Variants in DNAJC15 observed in about 807,000 individuals in gnomAD.
The protein encoded by DNAJC15 is dnaJ homolog subfamily C member 15.
In DNAJC15, 27 loss-of-function variants were observed where a neutral mutation model predicts 22.4. The ratio of observed to expected loss-of-function variants is 1.20; its 90% CI spans 0.89 to 1.66. The LOEUF (loss-of-function observed/expected upper bound fraction) is 1.66. DNAJC15 is among the 40% of genes most tolerant of loss of function. The pLI, the probability that DNAJC15 is intolerant of heterozygous loss-of-function variation, is 0.00. For synonymous variants in DNAJC15, 79 were observed against 63.2 expected (o/e 1.25, Z -1.19); for missense variants, 208 against 187.1 (o/e 1.11, Z -0.65).
chr13:43,107,301 A>G lies in DNAJC15; in HGVS notation c.*53A>G. 6.9e-7 allele frequency: 1 copy of G among 1,449,994 alleles called. No individual in the cohort carries two copies. Among genetic ancestry groups the G allele is most frequent in the East Asian group, 2.5e-5 (1 of 40,420 alleles). The allele number at this position is 1,449,994 out of a possible 1,614,324, so 89.8% of individuals were successfully genotyped here. ...AAAAGAGGGGACTTCGAAAAAAAAA[A>G]AAGCCCTGCAAAATATTCTAAAACA... On this transcript the variant is annotated 3_prime_UTR_variant, in exon 6 of 6. Transcript: ENST00000379221.
At chr13:43,079,892 T>G (rs1805795210) in intron 4 of DNAJC15, among the ~76,000 whole-genome samples, 2 of 152,178 alleles carry the variant, frequency 1.3e-5, no homozygotes, top group African/African-American at 4.8e-5. Flanking sequence ...AATTCAGTGA[T>G]TAAGAGCACA....
intron 1 of DNAJC15, among the ~76,000 whole-genome samples, chr13:43,043,009 G>C (rs889676900): frequency 1.4e-4 from 21 of 152,226 alleles, no homozygotes; most frequent in African/African-American, 5.1e-4. Flanking sequence ...GGGGCTGCAA[G>C]TGCTCTCCAG....
intron 5 of DNAJC15, among the ~76,000 whole-genome samples, chr13:43,100,382 A>AT (rs1451232076): frequency 5.3e-5 from 8 of 151,184 alleles, no homozygotes; most frequent in African/African-American, 1.7e-4. Flanking sequence ...TAATTTTTTT[A>AT]TTTTTTGTAG....
chr13:43,028,413 T>G (rs1411143032), intron 1 of DNAJC15, among the ~76,000 whole-genome samples: 1 of 152,200 alleles, frequency 6.6e-6, no homozygotes, highest in Non-Finnish European at 1.5e-5. Flanking sequence ...TTCTTAGTCT[T>G]TATTGTTTCT....
chr13:43,085,473 A>G (rs1240822124), intron 4 of DNAJC15, among the ~76,000 whole-genome samples: 1 of 152,160 alleles, frequency 6.6e-6, no homozygotes, highest in Admixed American at 6.5e-5. Context: ...TAAGTTTTCA[A>G]ACTTACAGTA....
chr13:43,099,194 A>G (rs1183690734), intron 5 of DNAJC15, among the ~76,000 whole-genome samples: 1 of 152,108 alleles, frequency 6.6e-6, no homozygotes, highest in Non-Finnish European at 1.5e-5. Flanking sequence ...CAGGTTGTTT[A>G]TTATAAATGT....
chr13:43,114,127 A>T lies in DNAJC15; in HGVS notation c.*6879A>T, dbSNP rs987514884. The stretch of plus-strand genomic sequence containing the variant: ...ATGCTGTTGTGTTTGTTTTGCTTTA[A>T]AATTGTAAAGGATAAACAATAAGAT... On this transcript the variant is annotated 3_prime_UTR_variant, in exon 6 of 6. Transcript: ENST00000379221. 9 of 152,210 alleles carry T rather than the reference A, an allele frequency of 5.9e-5. No individual in the cohort carries two copies. The highest frequency in any genetic ancestry group is 2.2e-4 in the African/African-American group (9 of 41,452). 9.4% of individuals were successfully genotyped at this position (152,210 alleles called of 1,614,324 possible).
intron 1 of DNAJC15, among the ~76,000 whole-genome samples, chr13:43,024,533 CG>C (rs1221895266): frequency 1.3e-4 from 19 of 151,392 alleles, no homozygotes; most frequent in Admixed American, 6.6e-4. Flanking sequence ...TTAGTAGAGA[CG>C]GGGGTTTCAC....
At chr13:43,071,415 C>T (rs771365188) in intron 3 of DNAJC15, among the ~76,000 whole-genome samples, 96 of 152,282 alleles carry the variant, frequency 6.3e-4, no homozygotes, top group Middle Eastern at 6.8e-3. Context: ...TTCTTTTTCA[C>T]AAAGTGCTAC....
intron 1 of DNAJC15, among the ~76,000 whole-genome samples, chr13:43,064,238 A>G (rs575317276): frequency 9.8e-5 from 15 of 152,336 alleles, no homozygotes; most frequent in African/African-American, 3.4e-4. Context: ...TTTGCATATT[A>G]AAGTTAGAAC....
intron 5 of DNAJC15, among the ~76,000 whole-genome samples, chr13:43,089,543 G>A (rs922427254): frequency 8.5e-5 from 13 of 152,208 alleles, no homozygotes; most frequent in African/African-American, 3.1e-4. Context: ...AATGTGCAAA[G>A]CCTCTGAGGG....
chr13:43,058,722 C>G (rs2040542968), intron 1 of DNAJC15, among the ~76,000 whole-genome samples: 1 of 152,186 alleles, frequency 6.6e-6, no homozygotes, highest in Non-Finnish European at 1.5e-5. Flanking sequence ...GTGGTCCTTC[C>G]CTAATTCCAG....
At chr13:43,050,380 ACT>A (rs1351445712) in intron 1 of DNAJC15, among the ~76,000 whole-genome samples, 3 of 152,078 alleles carry the variant, frequency 2.0e-5, no homozygotes, top group Non-Finnish European at 2.9e-5. Context: ...ATCACAGCTC[ACT>A]GTGGCCTCAA....
intron 3 of DNAJC15, among the ~76,000 whole-genome samples, chr13:43,074,516 C>CT (rs2040623464): frequency 6.6e-6 from 1 of 152,112 alleles, no homozygotes; most frequent in Admixed American, 6.6e-5. Context: ...TTTCTTTGAC[C>CT]TACCACAGTG....
At chr13:43,097,798 G>A (rs888422375) in intron 5 of DNAJC15, among the ~76,000 whole-genome samples, 10 of 152,060 alleles carry the variant, frequency 6.6e-5, no homozygotes, top group African/African-American at 1.4e-4. Flanking sequence ...TTAGCCGGGC[G>A]TGGTGGCACA....
At position 43,102,954 on chromosome 13, in the gene DNAJC15, T is replaced by A. The variant is rs139990781; in HGVS notation, c.383-4224T>A. Among the ~76,000 whole-genome samples the A allele has an allele frequency of 5.3e-5, 8 of 152,284 alleles. No individual in the cohort carries two copies. The East Asian group carries it at 1.3e-3, about 26-fold the overall frequency. On this transcript the variant is annotated intron_variant, in intron 5 of 5. Coordinates refer to ENST00000379221, the MANE Select transcript of DNAJC15 (RefSeq NM_013238.3). The stretch of plus-strand genomic sequence containing the variant: ...TATGGGAAGGTTTTTAATTACATAT[T>A]TAGTTTCTTAAATATTCTTTTGATT...
chr13:43,086,101 A>T (rs906962033), intron 5 of DNAJC15, among the ~76,000 whole-genome samples: 1 of 152,210 alleles, frequency 6.6e-6, no homozygotes, highest in Non-Finnish European at 1.5e-5. Context: ...CATTTTTATC[A>T]AGAAAAATCG....
chr13:43,055,241 T>TAAA (rs541648843), intron 1 of DNAJC15, among the ~76,000 whole-genome samples: 1 of 144,682 alleles, frequency 6.9e-6, no homozygotes, highest in African/African-American at 2.5e-5. Flanking sequence ...TGAGAGCTGA[T>TAAA]AAAAAAAAAA....
chr13:43,078,772 T>C, intron 4 of DNAJC15, 84 bp downstream of exon 4: 1 of 1,222,244 alleles, frequency 8.2e-7, no homozygotes, highest in Non-Finnish European at 1.1e-6. Context: ...AGGTTATACT[T>C]AGACTTAAAA....
Sources: allele counts gnomAD v4.1 joint callset (sites outside exome capture counted in the v4.1 genomes callset), GRCh38; gene constraint gnomAD v4.1.1; transcripts MANE v1.5; gene names NCBI Gene and HGNC (gene_info 2026-07-23, HGNC 2026-07-21).